MACROD2: variants seen among roughly 807,000 people sequenced by gnomAD.
MACROD2 encodes the protein mono-ADP ribosylhydrolase 2, also known as ADP-ribose glycohydrolase MACROD2.
In MACROD2, 36 loss-of-function variants were observed where a neutral mutation model predicts 70.4. The ratio of observed to expected loss-of-function variants is 0.51; its 90% CI spans 0.39 to 0.68. The LOEUF (loss-of-function observed/expected upper bound fraction) is 0.68. Among genes scored for constraint, MACROD2 ranks in the 30% least tolerant of loss-of-function variants. The probability of loss-of-function intolerance (pLI) is 0.00; values close to 1 mark genes in which losing one functional copy is unlikely to be tolerated. For synonymous variants in MACROD2, 172 were observed against 178.8 expected (o/e 0.96, Z 0.30); for missense variants, 496 against 538.4 (o/e 0.92, Z 0.78).
chr20:15,096,808 A>AT (rs11479076), intron 5 of MACROD2, among the ~76,000 whole-genome samples: 20,001 of 93,700 alleles, frequency 0.21, 2,407 homozygotes, highest in South Asian at 0.32. Context: ...CACTATGCTA[A>AT]TTTTTTTTTT....
chr20:14,934,802 A>C (rs1344328378), intron 5 of MACROD2: 2 of 151,536 alleles, frequency 1.3e-5, no homozygotes, highest in East Asian at 3.9e-4. Flanking sequence ...ACAAGATAAT[A>C]ATAAAATAAA....
At chr20:14,691,429 A>G (rs1044611150) in intron 5 of MACROD2, among the ~76,000 whole-genome samples, 8 of 152,210 alleles carry the variant, frequency 5.3e-5, no homozygotes, top group Non-Finnish European at 1.2e-4. Context: ...TTCAAATAAT[A>G]AGGCCACCTT....
intron 8 of MACROD2, chr20:15,619,469 C>T (rs555062065): frequency 7.4e-6 from 2 of 268,660 alleles, no homozygotes; most frequent in Admixed American, 1.0e-4. Context: ...TGGCAGAGCC[C>T]CGGGCAGGAT....
At chr20:14,339,403 AC>A (rs1468540056) in intron 3 of MACROD2, among the ~76,000 whole-genome samples, 2 of 152,208 alleles carry the variant, frequency 1.3e-5, no homozygotes, top group Non-Finnish European at 2.9e-5. Context: ...TTACTATGAA[AC>A]AAAGACATGG....
chr20:15,127,825 G>A (rs537801993), intron 5 of MACROD2, among the ~76,000 whole-genome samples: 2 of 152,178 alleles, frequency 1.3e-5, no homozygotes, highest in East Asian at 1.9e-4. Flanking sequence ...ATTGTGGGAG[G>A]AAACTACATA....
At chr20:14,562,848 T>C (rs1042879926) in intron 4 of MACROD2, among the ~76,000 whole-genome samples, 1 of 151,842 alleles carries the variant, frequency 6.6e-6, no homozygotes, top group Admixed American at 6.6e-5. Context: ...ATTTGTTGCC[T>C]GTCGTGTTCT....
chr20:15,242,173 C>G (rs975657877), intron 6 of MACROD2, among the ~76,000 whole-genome samples: 1 of 152,096 alleles, frequency 6.6e-6, no homozygotes. Flanking sequence ...AGCCACAGTC[C>G]AGTCATAACC....
chr20:15,713,375 G>A (rs1301370123), intron 8 of MACROD2, among the ~76,000 whole-genome samples: 2 of 152,194 alleles, frequency 1.3e-5, no homozygotes, highest in African/African-American at 4.8e-5. Flanking sequence ...TCACACTGAT[G>A]TAAAGAAGTA....
chr20:15,490,885 G>T (rs938689367), intron 7 of MACROD2, among the ~76,000 whole-genome samples: 1 of 152,042 alleles, frequency 6.6e-6, no homozygotes, highest in South Asian at 2.1e-4. Context: ...CTCAACTTCT[G>T]TCCCAACACT....
intron 5 of MACROD2, among the ~76,000 whole-genome samples, chr20:14,789,427 C>T (rs962590041): frequency 4.6e-5 from 6 of 130,398 alleles, no homozygotes; most frequent in Non-Finnish European, 9.6e-5. Context: ...AAATAAATTC[C>T]TTTTAATCTT....
intron 3 of MACROD2, chr20:14,127,422 T>A (rs918490641): frequency 2.2e-6 from 1 of 455,888 alleles, no homozygotes; most frequent in Non-Finnish European, 4.0e-6. Flanking sequence ...TGTTGTCTCT[T>A]GGCAAAAATG....
intron 5 of MACROD2, among the ~76,000 whole-genome samples, chr20:14,910,644 A>G (rs1302572256): frequency 6.6e-6 from 1 of 152,112 alleles, no homozygotes; most frequent in Non-Finnish European, 1.5e-5. Flanking sequence ...AGCATTTCAC[A>G]TGTATGTCAC....
intron 5 of MACROD2, chr20:14,758,094 G>C: frequency 5.7e-6 from 2 of 352,826 alleles, no homozygotes; most frequent in Non-Finnish European, 5.1e-6. Context: ...TAAACATCCA[G>C]CCAAAAAAGC....
Position 15,967,604 on chromosome 20 carries a change from C to T in MACROD2, c.959C>T (p.Ser320Phe). 6.2e-7 allele frequency: 1 copy of T among 1,603,706 alleles called. No individual in the cohort carries two copies. Among genetic ancestry groups the T allele is most frequent in the Non-Finnish European group, 8.5e-7 (1 of 1,175,708 alleles). ...AAAGGCGGTGAAGTGACAGATCATT[C>T]TGTGCGTGACCAAGATCATCCCGAT... The part of the protein sequence containing the change: ...ITKGGEVTDH[S>F]VRDQDHPDGQ... The change falls in exon 13 of 18, where the codon TCT becomes TTT. Residue 320 changes from serine to phenylalanine, a missense_variant. Coordinates refer to ENST00000684519, the MANE Select transcript of MACROD2 (RefSeq NM_001351661.2).
chr20:14,389,379 G>A (rs983663086), intron 3 of MACROD2, among the ~76,000 whole-genome samples: 1 of 130,622 alleles, frequency 7.7e-6, no homozygotes, highest in African/African-American at 3.0e-5. Context: ...CTGAGATTGC[G>A]CCACTGCACT....
chr20:15,856,735 A>C (rs2064360963), intron 8 of MACROD2, among the ~76,000 whole-genome samples: 1 of 152,198 alleles, frequency 6.6e-6, no homozygotes, highest in Non-Finnish European at 1.5e-5. Flanking sequence ...TTCTAAAAAT[A>C]TTAATGTTGT....
chr20:14,388,877 G>A (rs1324752903), intron 3 of MACROD2, among the ~76,000 whole-genome samples: 1 of 152,032 alleles, frequency 6.6e-6, no homozygotes, highest in Non-Finnish European at 1.5e-5. Flanking sequence ...AGAGAGAGCA[G>A]TTTTTGTTTT....
intron 2 of MACROD2, among the ~76,000 whole-genome samples, chr20:14,028,010 C>T (rs1400992166): frequency 1.3e-5 from 2 of 152,210 alleles, no homozygotes; most frequent in African/African-American, 4.8e-5. Context: ...AAGCTGCGCT[C>T]ACAGCCGCCC....
intron 5 of MACROD2, among the ~76,000 whole-genome samples, chr20:15,195,520 A>G (rs915755395): frequency 6.6e-6 from 1 of 152,186 alleles, no homozygotes; most frequent in Non-Finnish European, 1.5e-5. Context: ...GCAAATCAAA[A>G]CCACAGTGAG....
Sources: gnomAD v4.1 joint callset for allele counts (sites outside exome capture counted in the v4.1 genomes callset) on GRCh38, gnomAD v4.1.1 for gene constraint, MANE v1.5 for transcripts, NCBI Gene and HGNC (gene_info 2026-07-23, HGNC 2026-07-21) for gene names.